Variants in FAT2 observed in about 807,000 individuals in gnomAD.
FAT2 encodes protocadherin Fat 2.
In FAT2, 150 loss-of-function variants were observed where a neutral mutation model predicts 295.3. That is an observed-to-expected ratio of 0.51 (90% CI 0.44 to 0.58). The LOEUF is 0.58. Among genes scored for constraint, FAT2 ranks in the 20% least tolerant of loss-of-function variants. The pLI is 0.00. For synonymous variants in FAT2, 2,026 were observed against 2,150.3 expected (o/e 0.94, Z 1.60); for missense variants, 4,868 against 5,442.7 (o/e 0.89, Z 3.32).
At chr5:151,565,024 G>A (rs1031618973) in intron 2 of FAT2, among the ~76,000 whole-genome samples, 3 of 152,102 alleles carry the variant, frequency 2.0e-5, no homozygotes, top group Non-Finnish European at 2.9e-5. Context: ...GCAATGAGCC[G>A]AGATCGAACC....
intron 18 of FAT2, 183 bp from the exon 19 acceptor site, chr5:151,522,269 G>A (rs1753551870): frequency 1.8e-6 from 1 of 557,120 alleles, no homozygotes; most frequent in Non-Finnish European, 3.2e-6. Context: ...AGAAAAGAAA[G>A]ATTTTCTGAA....
In FAT2 at chr5:151,566,109, C is replaced by G. The variant is rs2127645267; in HGVS notation, c.2823G>C (p.Gly941=). Residue 941 remains glycine (G), a synonymous_variant, in exon 2 of 24, where the codon GGG becomes GGC. Transcript: ENST00000261800. ...RLKVPEDLPP[G]TVLTFLDASD... ...AGGCATCCAGAAATGTCAAGACAGTCCCGGGGGGCAGGTCCTCTGGAACCT... is the reference window on the plus strand; with the variant it reads ...AGGCATCCAGAAATGTCAAGACAGTGCCGGGGGGCAGGTCCTCTGGAACCT... 6.2e-7 allele frequency: 1 copy of G among 1,614,140 alleles called. No individual in the cohort carries two copies. The highest frequency in any genetic ancestry group is 8.5e-7 in the Non-Finnish European group (1 of 1,180,012).
chr5:151,544,563 G>A lies in FAT2; in HGVS notation c.6564C>T (p.Thr2188=), dbSNP rs2127610095. 1.2e-6 allele frequency: 2 copies of A among 1,614,006 alleles called. No individual in the cohort carries two copies. Among genetic ancestry groups the A allele is most frequent in the South Asian group, 2.2e-5 (2 of 91,074 alleles). The change falls in exon 10 of 24, where the codon ACC becomes ACT. Residue 2188 remains threonine, a synonymous_variant. Transcript: ENST00000261800. Reference sequence around the variant, plus strand: ...TCCGGGCCTGGGTGTGGAGAATTGGGGTATAGAGGGTGATATTTTCAGGTA... The same window carrying A: ...TCCGGGCCTGGGTGTGGAGAATTGGAGTATAGAGGGTGATATTTTCAGGTA... ...VRVPENITLY[T]PILHTQARSP... is the part of the protein sequence containing the mutation.
Position 151,566,482 on chromosome 5 carries a change from G to T in FAT2, c.2450C>A (p.Ala817Glu), listed in dbSNP as rs772310286. Residue 817 changes from alanine (A) to glutamate (E), a missense_variant, in exon 2 of 24, where the codon GCA becomes GAA. By Grantham distance (107) the Ala-to-Glu change is moderately radical (BLOSUM62 -1). This residue lies in a region of FAT2 where 3,297 missense variants were observed against 3,669.4 expected (regional missense o/e 0.90). Transcript: ENST00000261800. ...TVNVKDWNDN[A>E]PRFPPGGYQL... ...GTACCCACCGGGAGGAAATCTGGGT[G>T]CGTTGTCATTCCAGTCTTTCACATT... is the stretch of plus-strand genomic sequence containing the variant. 3 of 1,613,912 alleles carry T rather than the reference G, an allele frequency of 1.9e-6. No homozygotes were observed. The South Asian group carries it at 3.3e-5, about 18-fold the overall frequency.
chr5:151,539,976 C>T (rs577354865), intron 11 of FAT2, among the ~76,000 whole-genome samples: 1 of 152,292 alleles, frequency 6.6e-6, no homozygotes, highest in Admixed American at 6.5e-5. Context: ...TGAGGAGGTG[C>T]ATATATGGGC....
chr5:151,562,847 T>G (rs375655801), intron 3 of FAT2, among the ~76,000 whole-genome samples: 5 of 152,336 alleles, frequency 3.3e-5, no homozygotes, highest in Admixed American at 6.5e-5. Context: ...GCTCCTGAGA[T>G]GGTTGACAAC....
chr5:151,540,797 G>C (rs770308902), intron 10 of FAT2, 34 bp from the exon 11 acceptor site: 1 of 1,583,592 alleles, frequency 6.3e-7, no homozygotes, highest in East Asian at 2.3e-5. Flanking sequence ...CAGAAGCCAA[G>C]CAATAGGAAT....
In FAT2 at chr5:151,563,615, A is replaced by G. The variant is rs777103299; in HGVS notation, c.3284T>C (p.Leu1095Pro). Reference protein sequence around the residue: ...DTGMIQTLAPLDREFASYYWL... With the variant: ...DTGMIQTLAPPDREFASYYWL... ...GTAGTAAGATGCAAATTCTCGGTCCAGGGGTGCCAGAGTCTGAATCATTCC... is the reference window on the plus strand; with the variant it reads ...GTAGTAAGATGCAAATTCTCGGTCCGGGGGTGCCAGAGTCTGAATCATTCC... The change falls in exon 3 of 24, where the codon CTG becomes CCG. Residue 1095 changes from leucine (L) to proline (P), a missense_variant. Coordinates refer to ENST00000261800, the MANE Select transcript of FAT2 (RefSeq NM_001447.3). 6 of 1,614,018 alleles carry G rather than the reference A, an allele frequency of 3.7e-6. No individual in the cohort carries two copies. Among genetic ancestry groups the G allele is most frequent in the Non-Finnish European group, 5.1e-6 (6 of 1,180,032 alleles).
intron 19 of FAT2, among the ~76,000 whole-genome samples, chr5:151,518,480 A>C (rs1170205426): frequency 1.3e-5 from 2 of 152,062 alleles, no homozygotes; most frequent in African/African-American, 2.4e-5. Context: ...GGTGTTGGGA[A>C]TCTACACTGG....
At chr5:151,535,782 T>C (rs1003898737) in intron 12 of FAT2, among the ~76,000 whole-genome samples, 8 of 152,118 alleles carry the variant, frequency 5.3e-5, no homozygotes, top group Admixed American at 2.6e-4. Flanking sequence ...CCATGGGATC[T>C]GACACTATCT....
intron 3 of FAT2, among the ~76,000 whole-genome samples, chr5:151,556,651 C>G (rs867877123): frequency 6.6e-6 from 1 of 152,142 alleles, no homozygotes; most frequent in African/African-American, 2.4e-5. Context: ...ACTTTCACTT[C>G]AGTATTCAAA....
chr5:151,568,978 C>CTT (rs1279393048), intron 1 of FAT2, 27 bp from the exon 2 acceptor site: 1 of 1,535,006 alleles, frequency 6.5e-7, no homozygotes, highest in African/African-American at 1.4e-5. Context: ...AGACAGGGTG[C>CTT]AAGTTAGGGG....
chr5:151,516,466 A>C (rs1752874396), intron 20 of FAT2, among the ~76,000 whole-genome samples: 1 of 152,198 alleles, frequency 6.6e-6, no homozygotes. Flanking sequence ...CAGTGAGCTG[A>C]GATCATGCCA....
At chr5:151,530,164 G>A (rs1347701632) in intron 14 of FAT2, among the ~76,000 whole-genome samples, 1 of 151,708 alleles carries the variant, frequency 6.6e-6, no homozygotes, top group Non-Finnish European at 1.5e-5. Context: ...AGTCTATAAT[G>A]GCCTTATATA....
At chr5:151,571,776 G>T (rs1158243065) in intron 1 of FAT2, among the ~76,000 whole-genome samples, 1 of 152,172 alleles carries the variant, frequency 6.6e-6, no homozygotes, top group Non-Finnish European at 1.5e-5. Flanking sequence ...CAACACCCAG[G>T]GACCACTATT....
In FAT2 at chr5:151,530,406, T is replaced by A. The variant is rs7706012; in HGVS notation, c.9812-1014A>T. On this transcript the variant is annotated intron_variant, in intron 14 of 23. Coordinates refer to ENST00000261800, the MANE Select transcript of FAT2 (RefSeq NM_001447.3). Reference sequence around the variant, plus strand: ...GTCATTCCTAGGAAATACAAGGACCTGAGGGATATGCTATATGACACTATA... The same window carrying A: ...GTCATTCCTAGGAAATACAAGGACCAGAGGGATATGCTATATGACACTATA... 3.9e-5 allele frequency among the ~76,000 whole-genome samples: 6 copies of A among 152,128 alleles called. No individual in the cohort carries two copies. The East Asian group carries it at 9.6e-4, about 24-fold the overall frequency.
chr5:151,543,205 C>A lies in FAT2; in HGVS notation c.7922G>T (p.Gly2641Val), dbSNP rs988979241. Reference protein sequence around the residue: ...KDVIEINPVTGVVKVKDSLVG... With the variant: ...KDVIEINPVTVVVKVKDSLVG... Reference sequence around the variant, plus strand: ...CAGGCTGTCTTTCACCTTGACCACACCAGTGACTGGGTTAATTTCAATGAC... The same window carrying A: ...CAGGCTGTCTTTCACCTTGACCACAACAGTGACTGGGTTAATTTCAATGAC... The change falls in exon 10 of 24, where the codon GGT becomes GTT. Residue 2641 changes from glycine (G) to valine (V), a missense_variant. By Grantham distance (109) the Gly-to-Val change is moderately radical. This residue lies in a region of FAT2 where 3,297 missense variants were observed against 3,669.4 expected (regional missense o/e 0.90). Transcript: ENST00000261800. 4 of 1,614,088 alleles carry A rather than the reference C, an allele frequency of 2.5e-6. No individual in the cohort carries two copies. The Admixed American group carries it at 6.7e-5, about 27-fold the overall frequency.
At position 151,567,748 on chromosome 5, in the gene FAT2, T is replaced by C; in HGVS notation, c.1184A>G (p.Tyr395Cys). The change falls in exon 2 of 24, where the codon TAT becomes TGT. Residue 395 changes from tyrosine (Y) to cysteine (C), a missense_variant. By Grantham distance (194) the Tyr-to-Cys change is radical (BLOSUM62 -2). Transcript: ENST00000261800. ...RVTPAFPNLQ[Y>C]VLKPSSENVG... The stretch of plus-strand genomic sequence containing the variant: ...ATTCTCTGAAGATGGCTTTAGAACA[T>C]ACTGCAGGTTGGGGAAGGCTGGGGT... 1.9e-6 allele frequency: 3 copies of C among 1,614,186 alleles called. No homozygotes were observed. The highest frequency in any genetic ancestry group is 2.2e-5 in the East Asian group (1 of 44,876).
intron 20 of FAT2, among the ~76,000 whole-genome samples, chr5:151,517,107 CAA>C (rs566698678): frequency 1.4e-4 from 13 of 90,930 alleles, no homozygotes; most frequent in Non-Finnish European, 1.4e-4. Context: ...GACTCCATCT[CAA>C]AAAAAAAAAA....
Sources: allele counts gnomAD v4.1 joint callset (sites outside exome capture counted in the v4.1 genomes callset), GRCh38; gene constraint gnomAD v4.1.1; regional missense constraint gnomAD v4.1.1; transcripts MANE v1.5; gene names NCBI Gene and HGNC (gene_info 2026-07-23, HGNC 2026-07-21).